RIT2: variants seen among roughly 807,000 people sequenced by gnomAD.
RIT2 encodes the protein GTP-binding protein Rit2.
RIT2 carries 24 observed loss-of-function variants against 23.7 expected under a neutral mutation model. The observed-to-expected ratio is 1.01, with a 90% CI of 0.73 to 1.43. The LOEUF is 1.43. Ranked by LOEUF, RIT2 falls within the 40% of genes most tolerant of loss-of-function variation. RIT2 has a pLI of 0.00. For missense variants in RIT2, 236 were observed against 266.9 expected (o/e 0.88, Z 0.81); for synonymous variants, 107 against 91.1 (o/e 1.17, Z -0.99).
rs568707615 is a variant in RIT2 at position 42,946,164 on chromosome 18, T to TACAA, written c.235-22405_235-22402dup. The stretch of plus-strand genomic sequence containing the variant: ...CCTATGAAAAAATAGTTTAAAGGAA[T>TACAA]ACAAACCTGCATGCTAATACGACAT... On this transcript the variant is annotated intron_variant, in intron 3 of 4. Transcript: ENST00000326695. Among the ~76,000 whole-genome samples, 261 of 152,212 alleles carry TACAA rather than the reference T, an allele frequency of 1.7e-3. 4 individuals carry two copies. The highest frequency in any genetic ancestry group is 6.1e-3 in the African/African-American group (254 of 41,554).
chr18:42,782,437 A>G (rs1245464930), intron 4 of RIT2, among the ~76,000 whole-genome samples: 1 of 152,112 alleles, frequency 6.6e-6, no homozygotes, highest in Non-Finnish European at 1.5e-5. Context: ...TATTTATAAT[A>G]TATGATGTGT....
chr18:42,909,637 C>A (rs1908715831), intron 4 of RIT2, among the ~76,000 whole-genome samples: 1 of 151,648 alleles, frequency 6.6e-6, no homozygotes, highest in Non-Finnish European at 1.5e-5. Flanking sequence ...GAAACCAAAA[C>A]CCACCTATAC....
At chr18:43,102,560 C>A (rs572134939) in intron 1 of RIT2, among the ~76,000 whole-genome samples, 1 of 149,614 alleles carries the variant, frequency 6.7e-6, no homozygotes, top group East Asian at 2.0e-4. Context: ...GTCAGTTATC[C>A]TAATCTTTTG....
chr18:42,923,847 T>C (rs1027533807), intron 3 of RIT2, 84 bp from the exon 4 acceptor site: 6 of 1,110,074 alleles, frequency 5.4e-6, no homozygotes, highest in Non-Finnish European at 6.4e-6. Context: ...ATTATGAAAT[T>C]TGAATGTTTT....
chr18:43,004,272 G>A (rs1001372895), intron 2 of RIT2, among the ~76,000 whole-genome samples: 1 of 151,690 alleles, frequency 6.6e-6, no homozygotes, highest in Admixed American at 6.6e-5. Flanking sequence ...CCTACACCTG[G>A]ATCAACATGC....
chr18:42,839,407 T>G (rs1906703332), intron 4 of RIT2, among the ~76,000 whole-genome samples: 1 of 152,188 alleles, frequency 6.6e-6, no homozygotes, highest in Non-Finnish European at 1.5e-5. Context: ...CTCACTAATC[T>G]AAACTATTTC....
chr18:43,113,137 A>G (rs1437423999), intron 1 of RIT2, among the ~76,000 whole-genome samples: 4 of 152,162 alleles, frequency 2.6e-5, no homozygotes, highest in African/African-American at 9.7e-5. Context: ...TTTAACCTTC[A>G]ATAGAAGGTT....
chr18:42,985,823 T>A (rs573668983), intron 2 of RIT2, among the ~76,000 whole-genome samples: 1 of 152,142 alleles, frequency 6.6e-6, no homozygotes, highest in Admixed American at 6.6e-5. Context: ...AATACCTTCA[T>A]GACTTAGAGT....
At chr18:43,053,675 GATT>G (rs1350012633) in intron 1 of RIT2, among the ~76,000 whole-genome samples, 3 of 152,092 alleles carry the variant, frequency 2.0e-5, no homozygotes, top group African/African-American at 7.2e-5. Flanking sequence ...TCATTGATTT[GATT>G]ATTAAAATGT....
intron 2 of RIT2, among the ~76,000 whole-genome samples, chr18:43,010,727 C>G (rs1911330649): frequency 6.6e-6 from 1 of 151,696 alleles, no homozygotes; most frequent in Non-Finnish European, 1.5e-5. Flanking sequence ...TGAAAATGCA[C>G]CCACACACAC....
intron 4 of RIT2, among the ~76,000 whole-genome samples, chr18:42,907,842 G>A (rs118146756): frequency 0.015 from 2,305 of 152,136 alleles, 31 homozygotes; most frequent in Non-Finnish European, 0.025. Context: ...TTAGTCAGGT[G>A]TGATGGCATG....
At chr18:42,844,112 A>G (rs953407290) in intron 4 of RIT2, among the ~76,000 whole-genome samples, 1 of 152,164 alleles carries the variant, frequency 6.6e-6, no homozygotes, top group Non-Finnish European at 1.5e-5. Context: ...TGAGCAAGTG[A>G]GTGTGGGACT....
intron 3 of RIT2, among the ~76,000 whole-genome samples, chr18:42,957,198 A>G (rs1909992563): frequency 1.3e-5 from 2 of 152,194 alleles, no homozygotes; most frequent in African/African-American, 4.8e-5. Flanking sequence ...TTTGGAAATA[A>G]GTCTGCCAAA....
chr18:42,777,616 C>A (rs1015681890), intron 4 of RIT2, among the ~76,000 whole-genome samples: 1 of 152,126 alleles, frequency 6.6e-6, no homozygotes, highest in Admixed American at 6.6e-5. Flanking sequence ...TGTTGGAGTT[C>A]ATTGTCAGTA....
intron 4 of RIT2, among the ~76,000 whole-genome samples, chr18:42,805,108 T>C (rs1394451309): frequency 6.6e-6 from 1 of 152,238 alleles, no homozygotes; most frequent in East Asian, 1.9e-4. Context: ...GTTACATCTA[T>C]TGACTTTTAC....
rs1913711370 is a variant in RIT2 at position 42,777,895 on chromosome 18, A to C, written c.427-34175T>G. ...TCTCTTGCTACATGATAAAATAATC[A>C]TATATATTTAAAAACATACTTCATA... On this transcript the variant is annotated intron_variant, in intron 4 of 4. Coordinates refer to ENST00000326695, the MANE Select transcript of RIT2 (RefSeq NM_002930.4). 2.0e-5 allele frequency among the ~76,000 whole-genome samples: 3 copies of C among 152,212 alleles called. No individual in the cohort carries two copies. The South Asian group carries it at 6.2e-4, about 32-fold the overall frequency.
intron 4 of RIT2, among the ~76,000 whole-genome samples, chr18:42,818,553 T>C (rs1366001183): frequency 2.0e-5 from 3 of 152,070 alleles, no homozygotes; most frequent in African/African-American, 4.8e-5. Flanking sequence ...ATTTTTGACC[T>C]TGAATGTTAG....
chr18:43,106,847 C>T (rs1219525772), intron 1 of RIT2, among the ~76,000 whole-genome samples: 3 of 152,172 alleles, frequency 2.0e-5, no homozygotes. Context: ...CTAGCAATGG[C>T]ACTTAGCTGG....
intron 4 of RIT2, among the ~76,000 whole-genome samples, chr18:42,889,790 T>C (rs1908122713): frequency 6.6e-6 from 1 of 152,082 alleles, no homozygotes; most frequent in South Asian, 2.1e-4. Flanking sequence ...AGCAGACATG[T>C]GTGTTGACAA....
Sources: gnomAD v4.1 joint callset for allele counts (sites outside exome capture counted in the v4.1 genomes callset) on GRCh38, gnomAD v4.1.1 for gene constraint, MANE v1.5 for transcripts, NCBI Gene and HGNC (gene_info 2026-07-23, HGNC 2026-07-21) for gene names.